The following PLCB1 variants were observed in gnomAD, a reference collection of about 807,000 sequenced individuals.
The protein encoded by PLCB1 is phospholipase C beta 1, also known as 1-phosphatidylinositol 4,5-bisphosphate phosphodiesterase beta-1.
Under a neutral mutation model 161.8 loss-of-function variants are expected in PLCB1, and 46 were observed. The ratio of observed to expected loss-of-function variants is 0.28; its 90% confidence interval spans 0.22 to 0.36. The LOEUF (loss-of-function observed/expected upper bound fraction) is 0.36. PLCB1 is among the 10% of genes least tolerant of loss of function. The probability of loss-of-function intolerance (pLI) is 1.00; values close to 1 mark genes in which losing one functional copy is unlikely to be tolerated. For missense variants in PLCB1, 1,016 were observed against 1,472.5 expected, an observed-to-expected ratio of 0.69 and a Z score of 5.07; for synonymous variants, 517 against 503.7, an observed-to-expected ratio of 1.03 and a Z score of -0.35.
chr20:8,325,631 A>G lies in PLCB1; in HGVS notation c.178-45751A>G, dbSNP rs149903545. 5.9e-4 allele frequency among the ~76,000 whole-genome samples: 90 copies of G among 152,338 alleles called. 1 individual carries two copies. The highest frequency in any genetic ancestry group is 3.4e-3 in the Middle Eastern group (1 of 294). On this transcript the variant is annotated intron_variant, in intron 2 of 31. Transcript: ENST00000338037. ...TTTAATCATTTCATCTATTTTAAAG[A>G]CAAGGGTCAGGAAGGTTAAGTGACA...
At chr20:8,507,644 G>A (rs1983691725) in intron 3 of PLCB1, among the ~76,000 whole-genome samples, 2 of 152,114 alleles carry the variant, frequency 1.3e-5, no homozygotes, top group Admixed American at 1.3e-4. Flanking sequence ...TGGAATACAA[G>A]GCAATAAAAA....
chr20:8,248,343 C>G (rs1980982985), intron 2 of PLCB1, among the ~76,000 whole-genome samples: 1 of 151,868 alleles, frequency 6.6e-6, no homozygotes, highest in Non-Finnish European at 1.5e-5. Context: ...AGGGCAGTTG[C>G]AGTAGCAAAA....
chr20:8,604,058 A>G (rs1987680923), intron 3 of PLCB1, among the ~76,000 whole-genome samples: 1 of 152,024 alleles, frequency 6.6e-6, no homozygotes, highest in Non-Finnish European at 1.5e-5. Flanking sequence ...TTTGAGATCA[A>G]CCTGGCCAAC....
At chr20:8,831,419 A>T (rs1260242427) in intron 31 of PLCB1, 1 of 152,402 alleles carries the variant, frequency 6.6e-6, no homozygotes, top group Non-Finnish European at 1.5e-5. Flanking sequence ...TCTGGATCTA[A>T]GTTTGTCTTA....
At chr20:8,396,150 A>C (rs1334417129) in intron 3 of PLCB1, among the ~76,000 whole-genome samples, 1 of 152,108 alleles carries the variant, frequency 6.6e-6, no homozygotes, top group Non-Finnish European at 1.5e-5. Context: ...TCTGGCAACA[A>C]GATGTTAGAT....
intron 2 of PLCB1, among the ~76,000 whole-genome samples, chr20:8,308,756 G>A (rs985422771): frequency 2.6e-5 from 4 of 151,842 alleles, no homozygotes; most frequent in East Asian, 1.9e-4. Flanking sequence ...CCCAGGTAGC[G>A]TCCATAGCTT....
intron 4 of PLCB1, among the ~76,000 whole-genome samples, chr20:8,637,241 A>T (rs548508013): frequency 6.6e-6 from 1 of 152,222 alleles, no homozygotes; most frequent in Non-Finnish European, 1.5e-5. Flanking sequence ...ATGATGCCCA[A>T]TGAAAAGCTG....
At chr20:8,798,552 AC>A (rs1263398171) in intron 31 of PLCB1, among the ~76,000 whole-genome samples, 1 of 130,096 alleles carries the variant, frequency 7.7e-6, no homozygotes, top group Non-Finnish European at 1.6e-5. Flanking sequence ...CCTCTTTGTC[AC>A]AGAGTTGAAC....
At chr20:8,359,204 T>C (rs932438842) in intron 2 of PLCB1, among the ~76,000 whole-genome samples, 2 of 152,230 alleles carry the variant, frequency 1.3e-5, no homozygotes, top group Admixed American at 6.5e-5. Flanking sequence ...ATTAATAGTG[T>C]TTGTGAAAAT....
rs568010424 is a variant in PLCB1 at position 8,659,722 on chromosome 20, T to C, written c.862+1018T>C. 2.0e-5 allele frequency among the ~76,000 whole-genome samples: 3 copies of C among 152,286 alleles called. No homozygotes were observed. The East Asian group carries it at 5.8e-4, about 29-fold the overall frequency. On this transcript the variant is annotated intron_variant, in intron 9 of 31. Transcript: ENST00000338037. ...GAAGTATAAATGGGCCCAGGCACTGTGGCTCACGTCTGTAATCCCAACACT... is the reference window on the plus strand; with the variant it reads ...GAAGTATAAATGGGCCCAGGCACTGCGGCTCACGTCTGTAATCCCAACACT...
chr20:8,527,124 T>G (rs747128718), intron 3 of PLCB1, among the ~76,000 whole-genome samples: 6 of 152,122 alleles, frequency 3.9e-5, no homozygotes, highest in Admixed American at 1.3e-4. Context: ...CCTGTAAGAT[T>G]TAGTAAGGTA....
chr20:8,533,691 A>G (rs1375793815), intron 3 of PLCB1, among the ~76,000 whole-genome samples: 15 of 149,848 alleles, frequency 1.0e-4, no homozygotes, highest in East Asian at 5.9e-4. Context: ...CGTGTCCTTC[A>G]CCCACTTTTT....
intron 2 of PLCB1, among the ~76,000 whole-genome samples, chr20:8,307,931 C>T (rs930608030): frequency 6.6e-6 from 1 of 151,802 alleles, no homozygotes; most frequent in Non-Finnish European, 1.5e-5. Context: ...TCAAAACAAA[C>T]AAACAAACAA....
chr20:8,708,548 C>G (rs1298743583), intron 11 of PLCB1, 122 bp from the exon 12 acceptor site: 1 of 644,318 alleles, frequency 1.6e-6, no homozygotes, highest in Non-Finnish European at 2.8e-6. Context: ...CTAGCCATTT[C>G]AGGCCATTCG....
At chr20:8,237,775 TA>T (rs1277282026) in intron 2 of PLCB1, among the ~76,000 whole-genome samples, 1 of 152,094 alleles carries the variant, frequency 6.6e-6, no homozygotes, top group African/African-American at 2.4e-5. Context: ...ACCATGGGAT[TA>T]ATTAGCTAAC....
chr20:8,331,690 GT>G (rs1221927869), intron 2 of PLCB1, among the ~76,000 whole-genome samples: 1 of 152,104 alleles, frequency 6.6e-6, no homozygotes, highest in Non-Finnish European at 1.5e-5. Context: ...GTGTTATTTT[GT>G]TTTATTAAAG....
At chr20:8,841,647 C>T (rs1350939426) in intron 31 of PLCB1, among the ~76,000 whole-genome samples, 1 of 152,072 alleles carries the variant, frequency 6.6e-6, no homozygotes, top group Non-Finnish European at 1.5e-5. Flanking sequence ...TGACTTATAT[C>T]TCCACTCTTA....
chr20:8,530,958 T>G (rs1158400216), intron 3 of PLCB1, among the ~76,000 whole-genome samples: 1 of 152,124 alleles, frequency 6.6e-6, no homozygotes, highest in African/African-American at 2.4e-5. Context: ...TTATGGATTT[T>G]TATTTTATTT....
intron 4 of PLCB1, among the ~76,000 whole-genome samples, chr20:8,631,841 G>C (rs983013246): frequency 2.6e-5 from 4 of 152,102 alleles, no homozygotes. Flanking sequence ...ATGTCTCCAG[G>C]TTCCATTTTT....
Sources: allele counts gnomAD v4.1 joint callset (sites outside exome capture counted in the v4.1 genomes callset), GRCh38; gene constraint gnomAD v4.1.1; transcripts MANE v1.5; gene names NCBI Gene and HGNC (gene_info 2026-07-23, HGNC 2026-07-21).